SLC4A11: variants seen among roughly 807,000 people sequenced by gnomAD.
SLC4A11 encodes solute carrier family 4 member 11.
Under a neutral mutation model 95.0 loss-of-function variants are expected in SLC4A11, and 74 were observed. That is an observed-to-expected ratio of 0.78 (90% CI 0.65 to 0.95). The LOEUF (loss-of-function observed/expected upper bound fraction) is 0.95, where lower values mean the gene tolerates loss of function less well. Ranked by LOEUF, SLC4A11 falls within the 40% of genes least tolerant of loss-of-function variation. The probability of loss-of-function intolerance (pLI) is 0.00; values close to 1 mark genes in which losing one functional copy is unlikely to be tolerated. For missense variants in SLC4A11, 1,081 were observed against 1,192.4 expected (o/e 0.91, Z 1.38); for synonymous variants, 548 against 519.0 (o/e 1.06, Z -0.76).
At position 3,228,908 on chromosome 20, in the gene SLC4A11, G is replaced by A; in HGVS notation, c.2122C>T (p.His708Tyr). The A allele has an allele frequency of 1.2e-6, 2 of 1,613,962 alleles. No homozygotes were observed. Among genetic ancestry groups the A allele is most frequent in the Non-Finnish European group, 1.7e-6 (2 of 1,180,024 alleles). The change falls in exon 17 of 20, where the codon CAC becomes TAC. Residue 708 changes from histidine to tyrosine, a missense_variant. His to Tyr is a moderately conservative substitution (Grantham distance 83, BLOSUM62 2). Coordinates refer to ENST00000642402, the MANE Select transcript of SLC4A11 (RefSeq NM_001174089.2). Reference sequence around the variant, plus strand: ...AGGGCTCGCACGTGCAGCGGGGAGTGGGGGTAGGCGGCATGGATCCAAGGC... The same window carrying A: ...AGGGCTCGCACGTGCAGCGGGGAGTAGGGGTAGGCGGCATGGATCCAAGGC... ...GLPWIHAAYP[H>Y]SPLHVRALAL...
Position 3,229,791 on chromosome 20 carries a change from C to T in SLC4A11, c.1490-15G>A, listed in dbSNP as rs761531745. 14 of 1,613,590 alleles carry T rather than the reference C, an allele frequency of 8.7e-6. 1 individual carries two copies. In the East Asian group the frequency reaches 3.1e-4, roughly 36 times the overall value. On this transcript the variant is annotated splice_polypyrimidine_tract_variant and intron_variant, in intron 13 of 19. Coordinates refer to ENST00000642402, the MANE Select transcript of SLC4A11 (RefSeq NM_001174089.2). ...CTTCCAGAAGACTGTGGACACACACCCACAGGCCTCAGCCCTCTCCAGCGT... is the reference window on the plus strand; with the variant it reads ...CTTCCAGAAGACTGTGGACACACACTCACAGGCCTCAGCCCTCTCCAGCGT...
Position 3,227,617 on chromosome 20 carries a change from G to T in SLC4A11, c.*170C>A. On this transcript the variant is annotated 3_prime_UTR_variant, in exon 20 of 20. Coordinates refer to ENST00000642402, the MANE Select transcript of SLC4A11 (RefSeq NM_001174089.2). ...CTAAAGGATAATGGGAGAGGGGTGG[G>T]CACATACCACTGCACCCCTACAATG... The T allele has an allele frequency of 1.4e-6, 1 of 694,252 alleles. No individual in the cohort carries two copies. Among genetic ancestry groups the T allele is most frequent in the Non-Finnish European group, 2.5e-6 (1 of 392,476 alleles). The allele number at this position is 694,252 out of a possible 1,614,324, so 43.0% of individuals were successfully genotyped here.
intron 13 of SLC4A11, 134 bp downstream of exon 13, chr20:3,230,053 C>G: frequency 8.2e-7 from 1 of 1,217,246 alleles, no homozygotes; most frequent in Non-Finnish European, 1.2e-6. Flanking sequence ...CCAAGGCTCC[C>G]AGAGCACCGC....
Position 3,231,369 on chromosome 20 carries a change from T to C in SLC4A11, c.909A>G (p.Glu303=), listed in dbSNP as rs763589669. 7 of 1,613,990 alleles carry C rather than the reference T, an allele frequency of 4.3e-6. No individual in the cohort carries two copies. The highest frequency in any genetic ancestry group is 2.2e-5 in the South Asian group (2 of 91,076). The change falls in exon 8 of 20, where the codon GAA becomes GAG. Residue 303 remains glutamate, a synonymous_variant. Coordinates refer to ENST00000642402, the MANE Select transcript of SLC4A11 (RefSeq NM_001174089.2). This position sits in a 1 kb window ranked among gnomAD's most constrained non-coding sequence, Gnocchi z 5.2. ...GGGCAGGGAGGGAGACTGTGCTGCG[T>C]TCCTTCGTTCTCGGCGCCACTGGAC... is the stretch of plus-strand genomic sequence containing the variant. The part of the protein sequence containing the change: ...SHGPVAPRTK[E]RSTVSLPAHR...
rs764224873 is a variant in SLC4A11 at position 3,234,317 on chromosome 20, G to A, written c.292-3C>T. ...TTGAAGTTCTTTAACTTCAGGTACTGAGGGGACCCCAGGGACAGAACCACA... is the reference window on the plus strand; with the variant it reads ...TTGAAGTTCTTTAACTTCAGGTACTAAGGGGACCCCAGGGACAGAACCACA... On this transcript the variant is annotated splice_polypyrimidine_tract_variant and splice_region_variant and intron_variant, in intron 4 of 19. Coordinates refer to ENST00000642402, the MANE Select transcript of SLC4A11 (RefSeq NM_001174089.2). This position sits in a 1 kb window ranked among gnomAD's most constrained non-coding sequence, Gnocchi z 5.8. 8 of 1,613,278 alleles carry A rather than the reference G, an allele frequency of 5.0e-6. No individual in the cohort carries two copies. The highest frequency in any genetic ancestry group is 1.1e-5 in the South Asian group (1 of 91,056).
At chr20:3,229,843 G>A in intron 13 of SLC4A11, 67 bp from the exon 14 acceptor site, 3 of 1,606,586 alleles carry the variant, frequency 1.9e-6, no homozygotes, top group Non-Finnish European at 2.6e-6. Context: ...CTGGAGGGAG[G>A]GGATCTCAGG....
At chr20:3,236,636 T>C (rs2067990888) in intron 2 of SLC4A11, among the ~76,000 whole-genome samples, 1 of 152,028 alleles carries the variant, frequency 6.6e-6, no homozygotes, top group Non-Finnish European at 1.5e-5. Flanking sequence ...ACTGCTTTGG[T>C]TCTGGAGCTC....
intron 1 of SLC4A11, chr20:3,238,846 T>G (rs1057241444): frequency 3.8e-5 from 46 of 1,209,162 alleles, no homozygotes; most frequent in Non-Finnish European, 4.7e-5. Flanking sequence ...TGTTCAAACC[T>G]GGTAAGAAAT....
chr20:3,230,050 T>G (rs2067700585), intron 13 of SLC4A11, 137 bp downstream of exon 13: 13 of 1,200,384 alleles, frequency 1.1e-5, no homozygotes, highest in Non-Finnish European at 1.6e-5. Flanking sequence ...AGCCCAAGGC[T>G]CCCAGAGCAC....
chr20:3,228,919 G>T lies in SLC4A11; in HGVS notation c.2111C>A (p.Ala704Asp). The T allele has an allele frequency of 6.2e-7, 1 of 1,613,988 alleles. No homozygotes were observed. Among genetic ancestry groups the T allele is most frequent in the Non-Finnish European group, 8.5e-7 (1 of 1,180,028 alleles). Residue 704 changes from alanine to aspartate, a missense_variant, in exon 17 of 20, where the codon GCC (alanine) becomes GAC (aspartate). Physicochemically the swap from Ala to Asp is moderately radical, Grantham distance 126. This residue lies in a region of SLC4A11 where 767 missense variants were observed against 858.0 expected (regional missense o/e 0.89). Coordinates refer to ENST00000642402, the MANE Select transcript of SLC4A11 (RefSeq NM_001174089.2). Reference protein sequence around the residue: ...LSLFGLPWIHAAYPHSPLHVR... With the variant: ...LSLFGLPWIHDAYPHSPLHVR... ...GTGCAGCGGGGAGTGGGGGTAGGCGGCATGGATCCAAGGCAGCCCAAACAG... is the reference window on the plus strand; with the variant it reads ...GTGCAGCGGGGAGTGGGGGTAGGCGTCATGGATCCAAGGCAGCCCAAACAG...
Position 3,231,363 on chromosome 20 carries a change from G to T in SLC4A11, c.915C>A (p.Ser305Arg). 6.2e-7 allele frequency: 1 copy of T among 1,614,080 alleles called. No homozygotes were observed. Among genetic ancestry groups the T allele is most frequent in the East Asian group, 2.2e-5 (1 of 44,864 alleles). ...GPVAPRTKER[S>R]TVSLPAHRHP... Reference sequence around the variant, plus strand: ...GTCTGTGGGCAGGGAGGGAGACTGTGCTGCGTTCCTTCGTTCTCGGCGCCA... The same window carrying T: ...GTCTGTGGGCAGGGAGGGAGACTGTTCTGCGTTCCTTCGTTCTCGGCGCCA... The change falls in exon 8 of 20, where the codon AGC becomes AGA. Residue 305 changes from serine to arginine, a missense_variant. Ser to Arg is a moderately radical substitution (Grantham distance 110). Around this residue, in one of 3 missense-constraint regions of SLC4A11, gnomAD observed 767 missense variants for 858.0 expected, o/e 0.89. Transcript: ENST00000642402. The surrounding 1 kb of genome is among the most constrained non-coding windows in gnomAD (Gnocchi z 5.2).
Position 3,234,404 on chromosome 20 carries a change from C to A in SLC4A11, c.292-90G>T. Reference sequence around the variant, plus strand: ...CTCCCTCCCAGCCAGCCGCAGCAGTCCAGCCCCCAGCCCCCAGCCCCCAGC... The same window carrying A: ...CTCCCTCCCAGCCAGCCGCAGCAGTACAGCCCCCAGCCCCCAGCCCCCAGC... On this transcript the variant is annotated intron_variant, in intron 4 of 19. Coordinates refer to ENST00000642402, the MANE Select transcript of SLC4A11 (RefSeq NM_001174089.2). This position sits in a 1 kb window ranked among gnomAD's most constrained non-coding sequence, Gnocchi z 5.8. 1 of 1,340,564 alleles carries A rather than the reference C, an allele frequency of 7.5e-7. No homozygotes were observed. The highest frequency in any genetic ancestry group is 1.0e-6 in the Non-Finnish European group (1 of 972,958). The allele number at this position is 1,340,564 out of a possible 1,614,324, so 83.0% of individuals were successfully genotyped here. A position where few individuals can be genotyped will look rare whatever the true frequency, so the allele number is the denominator to read the frequency against.
intron 19 of SLC4A11, 123 bp downstream of exon 19, chr20:3,228,136 A>G: frequency 4.6e-6 from 2 of 437,416 alleles, no homozygotes; most frequent in Non-Finnish European, 8.7e-6. Context: ...CCTCCTGGGC[A>G]CCCACCCCAA....
intron 7 of SLC4A11, among the ~76,000 whole-genome samples, chr20:3,233,077 G>A (rs1176818096): frequency 6.6e-6 from 1 of 152,190 alleles, no homozygotes; most frequent in Non-Finnish European, 1.5e-5. Flanking sequence ...ATCATCTGTT[G>A]AGACTTGTTA....
rs943742833 is a variant in SLC4A11 at position 3,233,384 on chromosome 20, C to T, written c.729+130G>A. ...TAGCAACATGTTTCTGACACACCCA[C>T]AGGGCCGAGGCGAAGGGGAGGGTGA... On this transcript the variant is annotated intron_variant, in intron 7 of 19. Coordinates refer to ENST00000642402, the MANE Select transcript of SLC4A11 (RefSeq NM_001174089.2). 12 of 1,389,850 alleles carry T rather than the reference C, an allele frequency of 8.6e-6. No homozygotes were observed. In the African/African-American group the frequency reaches 1.6e-4, roughly 18 times the overall value. 86.1% of individuals were successfully genotyped at this position (1,389,850 alleles called of 1,614,324 possible). A position where few individuals can be genotyped will look rare whatever the true frequency, so the allele number is the denominator to read the frequency against.
At chr20:3,238,085 C>G (rs1465697040) in intron 1 of SLC4A11, 2 of 1,466,142 alleles carry the variant, frequency 1.4e-6, no homozygotes, top group African/African-American at 1.4e-5. Flanking sequence ...GTTCCCCCGA[C>G]CCCCGTCACG....
In SLC4A11 at chr20:3,234,330, G is replaced by A. The variant is rs752215733; in HGVS notation, c.292-16C>T. 1.9e-6 allele frequency: 3 copies of A among 1,610,750 alleles called. No homozygotes were observed. The highest frequency in any genetic ancestry group is 1.1e-5 in the South Asian group (1 of 90,968). ...ACTTCAGGTACTGAGGGGACCCCAGGGACAGAACCACACGGGCCCATGTAT... is the reference window on the plus strand; with the variant it reads ...ACTTCAGGTACTGAGGGGACCCCAGAGACAGAACCACACGGGCCCATGTAT... On this transcript the variant is annotated splice_polypyrimidine_tract_variant and intron_variant, in intron 4 of 19. Transcript: ENST00000642402. This position sits in a 1 kb window ranked among gnomAD's most constrained non-coding sequence, Gnocchi z 5.8.
intron 2 of SLC4A11, among the ~76,000 whole-genome samples, chr20:3,236,504 G>T (rs1191922813): frequency 6.6e-6 from 1 of 152,112 alleles, no homozygotes; most frequent in Admixed American, 6.5e-5. Flanking sequence ...CAGGAGGCTG[G>T]TGTGAACCCA....
rs752597700 is a variant in SLC4A11, at chr20:3,233,506, C to T, written c.729+8G>A. 6 of 1,613,486 alleles carry T rather than the reference C, an allele frequency of 3.7e-6. No individual in the cohort carries two copies. Among genetic ancestry groups the T allele is most frequent in the Non-Finnish European group, 4.2e-6 (5 of 1,179,962 alleles). ...CTTCTTCCCCAGGACACGGCACTAC[C>T]CACTCACCATCTTGGGTGGGGCCAG... On this transcript the variant is annotated splice_region_variant and intron_variant, in intron 7 of 19. Transcript: ENST00000642402.
Sources: gnomAD v4.1 joint callset for allele counts (sites outside exome capture counted in the v4.1 genomes callset) on GRCh38, gnomAD v4.1.1 for gene constraint, gnomAD v4.1.1 regional missense constraint, Gnocchi (gnomAD v3.1) non-coding constraint, MANE v1.5 for transcripts, NCBI Gene and HGNC (gene_info 2026-07-23, HGNC 2026-07-21) for gene names.